The following KIF15 variants were observed in gnomAD, a reference collection of about 807,000 sequenced individuals.
KIF15 encodes kinesin family member 15, also known as kinesin-like protein KIF15.
In KIF15, 140 loss-of-function variants were observed where a neutral mutation model predicts 190.6. That is an observed-to-expected ratio of 0.73 (90% CI 0.64 to 0.84). The LOEUF (loss-of-function observed/expected upper bound fraction) is 0.84. Among genes scored for constraint, KIF15 ranks in the 40% least tolerant of loss-of-function variants. The pLI, the probability that KIF15 is intolerant of heterozygous loss-of-function variation, is 0.00. For synonymous variants in KIF15, 528 were observed against 551.3 expected (o/e 0.96, Z 0.59); for missense variants, 1,372 against 1,584.4 (o/e 0.87, Z 2.28).
At chr3:44,813,605 A>AT (rs1412214320) in intron 19 of KIF15, among the ~76,000 whole-genome samples, 1,359 of 121,830 alleles carry the variant, frequency 0.011, 18 homozygotes, top group African/African-American at 0.038. Context: ...TTCTTTGGTC[A>AT]TTTTTTTTTT....
chr3:44,864,623 C>G (rs1248266569), intron 6 of KIF15, among the ~76,000 whole-genome samples: 5 of 152,142 alleles, frequency 3.3e-5, no homozygotes, highest in South Asian at 2.1e-4. Context: ...ACTGTGCATC[C>G]TAGCTGTTTC....
chr3:44,801,436 T>C lies in KIF15; in HGVS notation c.1223-14T>C. On this transcript the variant is annotated splice_polypyrimidine_tract_variant and intron_variant, in intron 11 of 34. Coordinates refer to ENST00000326047, the MANE Select transcript of KIF15 (RefSeq NM_020242.3). Reference sequence around the variant, plus strand: ...TTTTTTTTCATCTTCCCTTTCTTATTGGATCAATTACAGACAAAAAGAAGA... The same window carrying C: ...TTTTTTTTCATCTTCCCTTTCTTATCGGATCAATTACAGACAAAAAGAAGA... 6.8e-7 allele frequency: 1 copy of C among 1,463,824 alleles called. No individual in the cohort carries two copies. The highest frequency in any genetic ancestry group is 9.5e-7 in the Non-Finnish European group (1 of 1,056,622). The allele number at this position is 1,463,824 out of a possible 1,614,324, so 90.7% of individuals were successfully genotyped here.
intron 26 of KIF15, among the ~76,000 whole-genome samples, chr3:44,831,883 A>G (rs994107968): frequency 6.6e-6 from 1 of 152,116 alleles, no homozygotes; most frequent in Non-Finnish European, 1.5e-5. Context: ...AAATTGTTCT[A>G]TATTTGCTTT....
At chr3:44,769,484 C>G (rs1395159272) in intron 1 of KIF15, among the ~76,000 whole-genome samples, 1 of 152,156 alleles carries the variant, frequency 6.6e-6, no homozygotes. Context: ...CAGGGCTTAC[C>G]CACGTACGCC....
chr3:44,854,066 C>A (rs1699153218), downstream of KIF15, among the ~76,000 whole-genome samples: 1 of 152,094 alleles, frequency 6.6e-6, no homozygotes, highest in Non-Finnish European at 1.5e-5. Context: ...GTGATGATGG[C>A]TACACAACTC....
intron 31 of KIF15, among the ~76,000 whole-genome samples, chr3:44,848,284 A>T (rs1698939244): frequency 6.6e-6 from 1 of 152,216 alleles, no homozygotes. Flanking sequence ...GCACACATAT[A>T]ATTCTCCATT....
intron 30 of KIF15, among the ~76,000 whole-genome samples, chr3:44,843,577 A>G (rs1027292662): frequency 6.6e-6 from 1 of 152,240 alleles, no homozygotes; most frequent in Non-Finnish European, 1.5e-5. Flanking sequence ...AGAATTCCCT[A>G]CTAGTTGGCT....
chr3:44,768,466 G>T (rs1383265434), intron 1 of KIF15, among the ~76,000 whole-genome samples: 1 of 152,076 alleles, frequency 6.6e-6, no homozygotes, highest in African/African-American at 2.4e-5. Flanking sequence ...AGCTGAAGAG[G>T]CCAGGCTTCT....
At chr3:44,791,307 G>T (rs1706686782) in intron 7 of KIF15, among the ~76,000 whole-genome samples, 1 of 152,016 alleles carries the variant, frequency 6.6e-6, no homozygotes, top group Non-Finnish European at 1.5e-5. Context: ...ATTCTGTTCT[G>T]TTGATCTATA....
At chr3:44,828,697 C>T (rs114038193) in intron 24 of KIF15, among the ~76,000 whole-genome samples, 2,832 of 152,292 alleles carry the variant, frequency 0.019, 76 homozygotes, top group African/African-American at 0.064. Flanking sequence ...TAAAATTCTT[C>T]TATGTCTAGC....
At chr3:44,824,408 A>G (rs1697532138) in intron 20 of KIF15, among the ~76,000 whole-genome samples, 1 of 152,092 alleles carries the variant, frequency 6.6e-6, no homozygotes, top group African/African-American at 2.4e-5. Context: ...CCCAGCACCA[A>G]GTCCACTTAT....
chr3:44,797,448 G>A, intron 8 of KIF15, 103 bp from the exon 9 acceptor site: 1 of 1,147,630 alleles, frequency 8.7e-7, no homozygotes, highest in South Asian at 1.4e-5. Context: ...TCCCTGACTT[G>A]CCTTTTCATC....
Position 44,832,683 on chromosome 3 carries a change from G to A in KIF15, c.3171+1665G>A, listed in dbSNP as rs532251630. On this transcript the variant is annotated intron_variant, in intron 26 of 34. Coordinates refer to ENST00000326047, the MANE Select transcript of KIF15 (RefSeq NM_020242.3). ...ATTTGTATTTATATCTTGCTACATC[G>A]CAGAAAGGATTTGAAGCTGCTAACA... 8.5e-5 allele frequency among the ~76,000 whole-genome samples: 13 copies of A among 152,188 alleles called. No individual in the cohort carries two copies. In the South Asian group the frequency reaches 2.1e-3, roughly 24 times the overall value.
intron 5 of KIF15, among the ~76,000 whole-genome samples, chr3:44,784,329 C>A (rs1478220183): frequency 6.6e-6 from 1 of 152,056 alleles, no homozygotes; most frequent in African/African-American, 2.4e-5. Flanking sequence ...CCCGCTACCA[C>A]GCCCGGCTAC....
intron 6 of KIF15, chr3:44,864,329 A>G (rs768367625): frequency 5.6e-6 from 9 of 1,614,048 alleles, no homozygotes; most frequent in South Asian, 2.2e-5. Context: ...GACTTTTTCA[A>G]ATATCCTCAG....
At position 44,835,959 on chromosome 3, in the gene KIF15, AG is replaced by A. The variant is rs548201185; in HGVS notation, c.3172-2315del. Among the ~76,000 whole-genome samples, 234 of 152,320 alleles carry A rather than the reference AG, an allele frequency of 1.5e-3. 2 individuals are homozygous for A. The highest frequency in any genetic ancestry group is 3.4e-3 in the Middle Eastern group (1 of 294). On this transcript the variant is annotated intron_variant, in intron 26 of 34. Transcript: ENST00000326047. ...CATGGTAATGCACGCCTGTAGTCCCAGCTACTCAGGAGGCTGACATGGGACA... is the reference window on the plus strand; with the variant it reads ...CATGGTAATGCACGCCTGTAGTCCCACTACTCAGGAGGCTGACATGGGACA...
At chr3:44,781,824 T>G (rs959387887) in intron 5 of KIF15, among the ~76,000 whole-genome samples, 4 of 152,254 alleles carry the variant, frequency 2.6e-5, no homozygotes, top group Non-Finnish European at 5.9e-5. Context: ...ATACCCTGTC[T>G]GTTGAAATGC....
intron 20 of KIF15, among the ~76,000 whole-genome samples, chr3:44,821,931 G>C (rs7652485): frequency 0.015 from 2,323 of 152,270 alleles, 61 homozygotes; most frequent in African/African-American, 0.052. Flanking sequence ...AGACCAGCCC[G>C]GCCAACACAG....
chr3:44,786,496 A>G lies in KIF15; in HGVS notation c.561A>G (p.Leu187=). ...ACTCTGCATCGGCTGGACTGTACTT[A>G]AGGGAGCATATCAAGAAGGGAGTCT... ...LLDSASAGLY[L]REHIKKGVFV... Residue 187 remains leucine, a synonymous_variant, in exon 7 of 35, where the codon TTA becomes TTG. Coordinates refer to ENST00000326047, the MANE Select transcript of KIF15 (RefSeq NM_020242.3). 1 of 1,613,748 alleles carries G rather than the reference A, an allele frequency of 6.2e-7. No individual in the cohort carries two copies. Among genetic ancestry groups the G allele is most frequent in the Non-Finnish European group, 8.5e-7 (1 of 1,179,774 alleles).
Sources: gnomAD v4.1 joint callset for allele counts (sites outside exome capture counted in the v4.1 genomes callset) on GRCh38, gnomAD v4.1.1 for gene constraint, MANE v1.5 for transcripts, NCBI Gene and HGNC (gene_info 2026-07-23, HGNC 2026-07-21) for gene names.